KIF1A: variants seen among roughly 807,000 people sequenced by gnomAD.
The protein encoded by KIF1A is kinesin family member 1A, also known as kinesin-like protein KIF1A.
A neutral mutation model predicts 227.3 loss-of-function variants in KIF1A; 46 were observed. The ratio of observed to expected loss-of-function variants is 0.20; its 90% CI spans 0.16 to 0.26. The LOEUF (loss-of-function observed/expected upper bound fraction) is 0.26. Among genes scored for constraint, KIF1A ranks in the 10% least tolerant of loss-of-function variants. The probability of loss-of-function intolerance (pLI) is 1.00; values close to 1 mark genes in which losing one functional copy is unlikely to be tolerated. For synonymous variants in KIF1A, 1,022 were observed against 1,012.8 expected, an observed-to-expected ratio of 1.01 and a Z score of -0.17; for missense variants, 1,683 against 2,485.9, an observed-to-expected ratio of 0.68 and a Z score of 6.87.
In KIF1A at chr2:240,739,038, C is replaced by T. The variant is rs745786088; in HGVS notation, c.3901+1020G>A. Among the ~76,000 whole-genome samples the T allele has an allele frequency of 6.6e-6, 1 of 152,260 alleles. No individual in the cohort carries two copies. Among genetic ancestry groups the T allele is most frequent in the Non-Finnish European group, 1.5e-5 (1 of 68,048 alleles). On this transcript the variant is annotated intron_variant, in intron 37 of 48. Coordinates refer to ENST00000498729, the MANE Select transcript of KIF1A (RefSeq NM_001244008.2). The surrounding 1 kb of genome is among the most constrained non-coding windows in gnomAD (Gnocchi z 5.6). The stretch of plus-strand genomic sequence containing the variant: ...AACCTCTGAAAGGAGGGTTTGGGTG[C>T]TTGTTCCATGACTTTCTGATTCATG...
At chr2:240,743,612 G>C (rs1185184976) in intron 33 of KIF1A, among the ~76,000 whole-genome samples, 1 of 152,160 alleles carries the variant, frequency 6.6e-6, no homozygotes, top group Non-Finnish European at 1.5e-5. Flanking sequence ...CTTTCCTGGG[G>C]TCCTCGGTGG....
At position 240,728,398 on chromosome 2, in the gene KIF1A, T is replaced by C. The variant is rs922409595; in HGVS notation, c.4008-1458A>G. 3 of 1,302,452 alleles carry C rather than the reference T, an allele frequency of 2.3e-6. No individual in the cohort carries two copies. The Admixed American group carries it at 6.9e-5, about 30-fold the overall frequency. The allele number at this position is 1,302,452 out of a possible 1,614,324, so 80.7% of individuals were successfully genotyped here. A position where few individuals can be genotyped will look rare whatever the true frequency, so the allele number is the denominator to read the frequency against. Reference sequence around the variant, plus strand: ...GAAAAGTGAGCTGTACCTAGTGTCATTTCCCAATGAAACGCTAAAGGTGGA... The same window carrying C: ...GAAAAGTGAGCTGTACCTAGTGTCACTTCCCAATGAAACGCTAAAGGTGGA... On this transcript the variant is annotated intron_variant, in intron 38 of 48. Coordinates refer to ENST00000498729, the MANE Select transcript of KIF1A (RefSeq NM_001244008.2).
In KIF1A at chr2:240,743,262, A is replaced by G. The variant is rs575969651; in HGVS notation, c.3585-278T>C. ...AGGACAGACAAGCACCCCCAGAACA[A>G]AGCCTTCATTGCCCTTCTCTTTCCC... On this transcript the variant is annotated intron_variant, in intron 33 of 48. Transcript: ENST00000498729. 8.5e-5 allele frequency among the ~76,000 whole-genome samples: 13 copies of G among 152,170 alleles called. No homozygotes were observed. The East Asian group carries it at 2.5e-3, about 30-fold the overall frequency.
intron 38 of KIF1A, among the ~76,000 whole-genome samples, chr2:240,729,523 G>C (rs1306803435): frequency 6.6e-6 from 1 of 152,194 alleles, no homozygotes; most frequent in African/African-American, 2.4e-5. Context: ...CACAGCAAAG[G>C]AACAAGCCCA....
At chr2:240,784,245 G>A (rs538369047) in intron 7 of KIF1A, among the ~76,000 whole-genome samples, 2 of 152,258 alleles carry the variant, frequency 1.3e-5, no homozygotes, top group Admixed American at 1.3e-4. Context: ...TGCACCTAGC[G>A]AGGTGGGCAC....
chr2:240,813,952 T>C (rs938915363), intron 1 of KIF1A, among the ~76,000 whole-genome samples: 2 of 152,072 alleles, frequency 1.3e-5, no homozygotes, highest in Non-Finnish European at 2.9e-5. Flanking sequence ...AAGGGCAGAA[T>C]GCTATGAGAC....
At chr2:240,761,198 C>T (rs773674427) in intron 24 of KIF1A, 31 bp downstream of exon 24, 3 of 1,595,140 alleles carry the variant, frequency 1.9e-6, no homozygotes, top group Non-Finnish European at 2.6e-6. Flanking sequence ...CTCTCTCCAA[C>T]AGGAAACGGT....
At chr2:240,786,273 T>C in intron 6 of KIF1A, 62 bp downstream of exon 6, 1 of 1,524,556 alleles carries the variant, frequency 6.6e-7, no homozygotes, top group Non-Finnish European at 9.1e-7. Context: ...GTGAAGGGGC[T>C]TCCTCCGGGG....
rs751090233 is a variant in KIF1A, at chr2:240,769,213, G to C, written c.1422-5C>G. The C allele has an allele frequency of 6.2e-7, 1 of 1,606,412 alleles. No individual in the cohort carries two copies. Among genetic ancestry groups the C allele is most frequent in the Non-Finnish European group, 8.5e-7 (1 of 1,176,932 alleles). ...ATCTCGGCCAGCAGGGCTTCCCTGGGGGAACAGAGCTGAGGTCAGCACAAG... is the reference window on the plus strand; with the variant it reads ...ATCTCGGCCAGCAGGGCTTCCCTGGCGGAACAGAGCTGAGGTCAGCACAAG... On this transcript the variant is annotated splice_region_variant and splice_polypyrimidine_tract_variant and intron_variant, in intron 16 of 48. Transcript: ENST00000498729.
chr2:240,737,222 T>TG, intron 37 of KIF1A, 54 bp from the exon 38 acceptor site: 5 of 1,447,152 alleles, frequency 3.5e-6, no homozygotes, highest in Non-Finnish European at 3.9e-6. Context: ...GGTGGGACCC[T>TG]GGGGGGCTGC....
chr2:240,729,171 T>C (rs1301170369), intron 38 of KIF1A, among the ~76,000 whole-genome samples: 1 of 152,006 alleles, frequency 6.6e-6, no homozygotes, highest in Admixed American at 6.5e-5. Flanking sequence ...ATGCACTGGG[T>C]AAGACCCAGC....
At chr2:240,810,135 G>A (rs374593163) in intron 1 of KIF1A, among the ~76,000 whole-genome samples, 4 of 152,010 alleles carry the variant, frequency 2.6e-5, no homozygotes, top group Non-Finnish European at 5.9e-5. Context: ...TTAACCCACC[G>A]AAAACACCAA....
In KIF1A at chr2:240,762,786, C is replaced by T. The variant is rs373116562; in HGVS notation, c.2049G>A (p.Leu683=). The change falls in exon 23 of 49, where the codon CTG becomes CTA. Residue 683 remains leucine (L), a synonymous_variant. Transcript: ENST00000498729. The part of the protein sequence containing the change: ...RLDYESKLEA[L]QKQMDSRYYP... Reference sequence around the variant, plus strand: ...AGTACCTGGAGTCCATCTGCTTCTGCAGAGCCTCCAGCTTGCTCTCATAGT... The same window carrying T: ...AGTACCTGGAGTCCATCTGCTTCTGTAGAGCCTCCAGCTTGCTCTCATAGT... 1.6e-5 allele frequency: 25 copies of T among 1,598,722 alleles called. No individual in the cohort carries two copies. Among genetic ancestry groups the T allele is most frequent in the Non-Finnish European group, 2.1e-5 (25 of 1,169,798 alleles).
chr2:240,725,446 G>A lies in KIF1A; in HGVS notation c.4123-42C>T, dbSNP rs768366052. 3.2e-5 allele frequency: 51 copies of A among 1,602,696 alleles called. No homozygotes were observed. Among genetic ancestry groups the A allele is most frequent in the East Asian group, 4.5e-5 (2 of 44,638 alleles). ...CAGGACTCAGGCACAAGGACACCCC[G>A]AGTGCCCAGGTGCCCTTCCAGCCTT... On this transcript the variant is annotated intron_variant, in intron 39 of 48. Coordinates refer to ENST00000498729, the MANE Select transcript of KIF1A (RefSeq NM_001244008.2). The surrounding 1 kb of genome is among the most constrained non-coding windows in gnomAD (Gnocchi z 5.8).
intron 1 of KIF1A, among the ~76,000 whole-genome samples, chr2:240,813,319 T>G (rs1469363661): frequency 2.0e-5 from 3 of 152,156 alleles, no homozygotes; most frequent in Non-Finnish European, 4.4e-5. Flanking sequence ...AGCCCCCAAC[T>G]GCAAAGGGCG....
intron 1 of KIF1A, among the ~76,000 whole-genome samples, chr2:240,816,485 G>A (rs557796892): frequency 2.9e-4 from 44 of 152,202 alleles, no homozygotes; most frequent in Non-Finnish European, 4.4e-4. Context: ...GAATAAGCAC[G>A]AGGATGCCTG....
chr2:240,769,739 G>A (rs749944716), intron 15 of KIF1A, 33 bp from the exon 16 acceptor site: 46 of 1,575,352 alleles, frequency 2.9e-5, no homozygotes, highest in Admixed American at 2.2e-4. Context: ...GTGAGCTGCC[G>A]GGGCTAGGGC....
chr2:240,782,166 C>T (rs1053174155), intron 10 of KIF1A: 1 of 985,390 alleles, frequency 1.0e-6, no homozygotes, highest in Non-Finnish European at 1.2e-6. Context: ...CGACTCCACA[C>T]GCGCCCGCCT....
intron 1 of KIF1A, among the ~76,000 whole-genome samples, chr2:240,814,914 CT>C (rs1313931145): frequency 2.0e-5 from 3 of 152,188 alleles, no homozygotes; most frequent in African/African-American, 7.2e-5. Context: ...GAGACCCTGT[CT>C]CTAAAATGAA....
Sources: allele counts gnomAD v4.1 joint callset (sites outside exome capture counted in the v4.1 genomes callset), GRCh38; gene constraint gnomAD v4.1.1; non-coding constraint Gnocchi (gnomAD v3.1); transcripts MANE v1.5; gene names NCBI Gene and HGNC (gene_info 2026-07-23, HGNC 2026-07-21).